ANKRD34B: variants seen among roughly 807,000 people sequenced by gnomAD.
ANKRD34B encodes the protein ankyrin repeat domain-containing protein 34B.
In ANKRD34B, 2 loss-of-function variants were observed where a neutral mutation model predicts 4.4. The observed-to-expected ratio is 0.46, with a 90% CI of 0.19 to 1.44. The LOEUF (loss-of-function observed/expected upper bound fraction) is 1.44, where lower values mean the gene tolerates loss of function less well. Ranked by LOEUF, ANKRD34B falls within the 40% of genes most tolerant of loss-of-function variation. The pLI, the probability that ANKRD34B is intolerant of heterozygous loss-of-function variation, is 0.26. For synonymous variants in ANKRD34B, 226 were observed against 227.1 expected (o/e 0.99, Z 0.05); for missense variants, 558 against 604.7 (o/e 0.92, Z 0.81).
At chr5:80,569,929 C>A (rs1165986019) in intron 1 of ANKRD34B, among the ~76,000 whole-genome samples, 1 of 152,194 alleles carries the variant, frequency 6.6e-6, no homozygotes, top group African/African-American at 2.4e-5. Context: ...TGCAGCCCGG[C>A]GGCCCTCGGC....
rs768757446 is a variant in ANKRD34B at position 80,558,745 on chromosome 5, T to C, written c.1275A>G (p.Ala425=). 3.7e-6 allele frequency: 6 copies of C among 1,614,096 alleles called. No individual in the cohort carries two copies. The African/African-American group carries it at 6.7e-5, about 18-fold the overall frequency. ...PPGPLSRRNH[A]VLERRGSGAF... is the part of the protein sequence containing the mutation. Reference sequence around the variant, plus strand: ...CTCCTGAACCTCGCCTTTCTAAAACTGCATGATTTCTCCTGCTCAGGGGAC... The same window carrying C: ...CTCCTGAACCTCGCCTTTCTAAAACCGCATGATTTCTCCTGCTCAGGGGAC... The change falls in exon 5 of 5, where the codon GCA becomes GCG. Residue 425 remains alanine, a synonymous_variant. Coordinates refer to ENST00000338682, the MANE Select transcript of ANKRD34B (RefSeq NM_001004441.3).
At position 80,564,174 on chromosome 5, in the gene ANKRD34B, T is replaced by TA. The variant is rs141556943; in HGVS notation, c.-104-360dup. ...AGGTATTTTACTTAAAACATTTTTTTAAATATTTTATTTTATTTTTTGGCA... is the reference window on the plus strand; with the variant it reads ...AGGTATTTTACTTAAAACATTTTTTTAAAATATTTTATTTTATTTTTTGGCA... On this transcript the variant is annotated intron_variant, in intron 3 of 4. Coordinates refer to ENST00000338682, the MANE Select transcript of ANKRD34B (RefSeq NM_001004441.3). Among the ~76,000 whole-genome samples the TA allele has an allele frequency of 2.6e-5, 4 of 152,264 alleles. No individual in the cohort carries two copies. The South Asian group carries it at 6.2e-4, about 24-fold the overall frequency.
At chr5:80,568,780 C>T (rs1370573594) in intron 2 of ANKRD34B, among the ~76,000 whole-genome samples, 180 bp downstream of exon 2, 2 of 151,924 alleles carry the variant, frequency 1.3e-5, no homozygotes, top group Admixed American at 1.3e-4. Context: ...GCTGTGTTTC[C>T]CACACATACC....
intron 3 of ANKRD34B, among the ~76,000 whole-genome samples, chr5:80,566,115 T>C (rs1304070626): frequency 6.6e-6 from 1 of 152,030 alleles, no homozygotes; most frequent in East Asian, 1.9e-4. Context: ...CAAAGAAAAT[T>C]GGAGGAGAGA....
chr5:80,558,337 A>G lies in ANKRD34B; in HGVS notation c.*138T>C. On this transcript the variant is annotated 3_prime_UTR_variant, in exon 5 of 5. Coordinates refer to ENST00000338682, the MANE Select transcript of ANKRD34B (RefSeq NM_001004441.3). Reference sequence around the variant, plus strand: ...ATGCTCATGACGCCTAGTACAAATCACATTACATTTTAATCCATCTAGCCA... The same window carrying G: ...ATGCTCATGACGCCTAGTACAAATCGCATTACATTTTAATCCATCTAGCCA... 1 of 677,312 alleles carries G rather than the reference A, an allele frequency of 1.5e-6. No individual in the cohort carries two copies. Among genetic ancestry groups the G allele is most frequent in the Non-Finnish European group, 2.4e-6 (1 of 412,236 alleles). 42.0% of individuals were successfully genotyped at this position (677,312 alleles called of 1,614,324 possible).
rs571289938 is a variant in ANKRD34B, at chr5:80,557,804, C to T, written c.*671G>A. On this transcript the variant is annotated 3_prime_UTR_variant, in exon 5 of 5. Coordinates refer to ENST00000338682, the MANE Select transcript of ANKRD34B (RefSeq NM_001004441.3). Reference sequence around the variant, plus strand: ...AAAGCAAAACACAGTGCACAAACAACAAGACCCGGCATAGATTACTAGTAG... The same window carrying T: ...AAAGCAAAACACAGTGCACAAACAATAAGACCCGGCATAGATTACTAGTAG... 1.3e-5 allele frequency: 2 copies of T among 152,130 alleles called. No homozygotes were observed. Among genetic ancestry groups the T allele is most frequent in the Non-Finnish European group, 2.9e-5 (2 of 68,004 alleles). The allele number at this position is 152,130 out of a possible 1,614,324, so 9.4% of individuals were successfully genotyped here.
intron 4 of ANKRD34B, 93 bp downstream of exon 4, chr5:80,563,642 A>G (rs961170793): frequency 6.6e-6 from 1 of 152,248 alleles, no homozygotes; most frequent in Non-Finnish European, 1.5e-5. Context: ...GAACTACTCA[A>G]TATATACATA....
chr5:80,565,760 T>C (rs1433493368), intron 3 of ANKRD34B, among the ~76,000 whole-genome samples: 1 of 152,244 alleles, frequency 6.6e-6, no homozygotes, highest in African/African-American at 2.4e-5. Context: ...CTGGAAATGT[T>C]GTTTTTTAAG....
intron 1 of ANKRD34B, among the ~76,000 whole-genome samples, chr5:80,569,916 C>T (rs985847142): frequency 1.3e-5 from 2 of 152,192 alleles, no homozygotes; most frequent in African/African-American, 4.8e-5. Flanking sequence ...CTCGGGAGGC[C>T]CCTGCAGCCC....
chr5:80,563,313 T>G (rs1746459480), intron 4 of ANKRD34B, among the ~76,000 whole-genome samples: 1 of 152,192 alleles, frequency 6.6e-6, no homozygotes, highest in South Asian at 2.1e-4. Context: ...CATAGGTGGG[T>G]GTCCATTCTA....
intron 4 of ANKRD34B, among the ~76,000 whole-genome samples, chr5:80,562,333 T>C (rs1746427706): frequency 6.6e-6 from 1 of 152,086 alleles, no homozygotes; most frequent in African/African-American, 2.4e-5. Context: ...AGTGCTACCT[T>C]AGGTCACTCC....
rs755610608 is a variant in ANKRD34B, at chr5:80,558,447, TGAA to T, written c.*25_*27del. Reference sequence around the variant, plus strand: ...TCTTTGTTTCTCTGATATAAACATTTGAAGAAGATGTGTTTTATACCCATCTCC... The same window carrying T: ...TCTTTGTTTCTCTGATATAAACATTTGAAGATGTGTTTTATACCCATCTCC... On this transcript the variant is annotated 3_prime_UTR_variant, in exon 5 of 5. Coordinates refer to ENST00000338682, the MANE Select transcript of ANKRD34B (RefSeq NM_001004441.3). 3.1e-5 allele frequency: 46 copies of T among 1,464,796 alleles called. No individual in the cohort carries two copies. Among genetic ancestry groups the T allele is most frequent in the Middle Eastern group, 3.7e-4 (2 of 5,476 alleles). The allele number at this position is 1,464,796 out of a possible 1,614,324, so 90.7% of individuals were successfully genotyped here. A position where few individuals can be genotyped will look rare whatever the true frequency, so the allele number is the denominator to read the frequency against.
intron 4 of ANKRD34B, among the ~76,000 whole-genome samples, chr5:80,562,949 A>G (rs1474694312): frequency 9.2e-6 from 1 of 109,026 alleles, no homozygotes; most frequent in Admixed American, 1.1e-4. Context: ...AGAGACTAGA[A>G]CAAACTGAAA....
intron 3 of ANKRD34B, among the ~76,000 whole-genome samples, chr5:80,564,702 CTTTT>C (rs34992073): frequency 9.0e-6 from 1 of 111,544 alleles, no homozygotes; most frequent in African/African-American, 3.4e-5. Flanking sequence ...TTGCTCACTT[CTTTT>C]TTTTTTTTTT....
chr5:80,558,965 G>A lies in ANKRD34B; in HGVS notation c.1055C>T (p.Ala352Val). 1.2e-6 allele frequency: 2 copies of A among 1,614,166 alleles called. No individual in the cohort carries two copies. Among genetic ancestry groups the A allele is most frequent in the Non-Finnish European group, 1.7e-6 (2 of 1,180,034 alleles). The change falls in exon 5 of 5, where the codon GCT (alanine) becomes GTT (valine). Residue 352 changes from alanine to valine, a missense_variant. By Grantham distance (64) the Ala-to-Val change is moderately conservative. Transcript: ENST00000338682. ...TTGAACTATACTTCTTAAGGTGGAA[G>A]CAAATATTGTCTGGTTAGAATCTGG... ...QDPDSNQTIFASTLRSIVQKR... is the reference protein window; with the variant it reads ...QDPDSNQTIFVSTLRSIVQKR...
chr5:80,569,474 T>C (rs1580483798), intron 1 of ANKRD34B, among the ~76,000 whole-genome samples: 2 of 152,216 alleles, frequency 1.3e-5, no homozygotes, highest in Admixed American at 6.5e-5. Context: ...GTGTGGCTCC[T>C]GGAAGCAGGA....
In ANKRD34B at chr5:80,570,172, T is replaced by C. The variant is rs1746717198; in HGVS notation, c.-357A>G. 1 of 152,452 alleles carries C rather than the reference T, an allele frequency of 6.6e-6. No homozygotes were observed. Among genetic ancestry groups the C allele is most frequent in the East Asian group, 1.9e-4 (1 of 5,178 alleles). 9.4% of individuals were successfully genotyped at this position (152,452 alleles called of 1,614,324 possible). On this transcript the variant is annotated 5_prime_UTR_variant, in exon 1 of 5. Coordinates refer to ENST00000338682, the MANE Select transcript of ANKRD34B (RefSeq NM_001004441.3). ...CACTGACCTGGGACGCGCTGTCGAG[T>C]TGGCGGCGGCGCTTTCAAACCTCTC...
chr5:80,564,480 C>T (rs1217383771), intron 3 of ANKRD34B: 1 of 152,184 alleles, frequency 6.6e-6, no homozygotes, highest in East Asian at 1.9e-4. Flanking sequence ...CTAAGGAGGA[C>T]AGTGGCCCCA....
At chr5:80,569,666 G>A (rs1388211040) in intron 1 of ANKRD34B, among the ~76,000 whole-genome samples, 4 of 152,084 alleles carry the variant, frequency 2.6e-5, no homozygotes, top group Admixed American at 2.6e-4. Flanking sequence ...CGCCGCTCCC[G>A]CTGCTGCGCC....
Sources: gnomAD v4.1 joint callset for allele counts (sites outside exome capture counted in the v4.1 genomes callset) on GRCh38, gnomAD v4.1.1 for gene constraint, MANE v1.5 for transcripts, NCBI Gene and HGNC (gene_info 2026-07-23, HGNC 2026-07-21) for gene names.